FBXO15: variants seen among roughly 807,000 people sequenced by gnomAD.
FBXO15 encodes the protein F-box only protein 15.
Under a neutral mutation model 49.5 loss-of-function variants are expected in FBXO15, and 30 were observed. The ratio of observed to expected loss-of-function variants is 0.61; its 90% CI spans 0.45 to 0.82. The LOEUF (loss-of-function observed/expected upper bound fraction) is 0.82, where lower values mean the gene tolerates loss of function less well. Among genes scored for constraint, FBXO15 ranks in the 40% least tolerant of loss-of-function variants. The pLI is 0.00. For missense variants in FBXO15, 591 were observed against 631.5 expected (o/e 0.94, Z 0.69); for synonymous variants, 250 against 232.7 (o/e 1.07, Z -0.68).
chr18:74,107,536 G>C (rs932071136), intron 8 of FBXO15, among the ~76,000 whole-genome samples: 3 of 152,106 alleles, frequency 2.0e-5, no homozygotes, highest in Admixed American at 2.0e-4. Flanking sequence ...GAGACAGACA[G>C]GAGAATACAG....
At chr18:74,088,984 T>C (rs912546854) in intron 8 of FBXO15, among the ~76,000 whole-genome samples, 7 of 152,132 alleles carry the variant, frequency 4.6e-5, no homozygotes, top group African/African-American at 1.7e-4. Flanking sequence ...CTTTTTCTCT[T>C]AATTTAAGTT....
intron 8 of FBXO15, among the ~76,000 whole-genome samples, chr18:74,100,863 A>G (rs1913486718): frequency 6.6e-6 from 1 of 152,158 alleles, no homozygotes; most frequent in African/African-American, 2.4e-5. Flanking sequence ...ATCAGAAAGA[A>G]TTAGATACTC....
Position 74,147,692 on chromosome 18 carries a change from G to T in FBXO15, c.94C>A (p.Arg32Ser). 1 of 1,500,234 alleles carries T rather than the reference G, an allele frequency of 6.7e-7. No individual in the cohort carries two copies. The highest frequency in any genetic ancestry group is 1.2e-5 in the South Asian group (1 of 80,302). The allele number at this position is 1,500,234 out of a possible 1,614,324, so 92.9% of individuals were successfully genotyped here. Residue 32 changes from arginine (R) to serine (S), a missense_variant, in exon 1 of 10, where the codon CGC (arginine) becomes AGC (serine). Arg to Ser is a moderately radical substitution (Grantham distance 110). Transcript: ENST00000419743. Reference protein sequence around the residue: ...PSRGGGAARGRARAFGCRKGP... With the variant: ...PSRGGGAARGSARAFGCRKGP... ...CACCTGCACCCAAAGGCCCTGGCGC[G>T]CCCCCGGGCCGCGCCACCGCCCCTG...
In FBXO15 at chr18:74,147,484, C is replaced by T. The variant is rs1357170728; in HGVS notation, c.116+186G>A. 5 of 1,230,498 alleles carry T rather than the reference C, an allele frequency of 4.1e-6. No homozygotes were observed. The African/African-American group carries it at 6.2e-5, about 15-fold the overall frequency. The allele number at this position is 1,230,498 out of a possible 1,614,324, so 76.2% of individuals were successfully genotyped here. A position where few individuals can be genotyped will look rare whatever the true frequency, so the allele number is the denominator to read the frequency against. On this transcript the variant is annotated intron_variant, in intron 1 of 9. Transcript: ENST00000419743. ...AGAGGCTACTCTATTTGTGTCATAA[C>T]TTAGGGTACCCCACGTTGCAGGGTA...
intron 8 of FBXO15, among the ~76,000 whole-genome samples, chr18:74,106,965 A>G (rs913369895): frequency 1.3e-5 from 2 of 152,162 alleles, no homozygotes; most frequent in African/African-American, 4.8e-5. Context: ...AGGAAAAAGA[A>G]TGTAATATTG....
chr18:74,086,708 C>A (rs558775600), intron 8 of FBXO15, among the ~76,000 whole-genome samples: 38 of 152,304 alleles, frequency 2.5e-4, no homozygotes, highest in African/African-American at 8.7e-4. Flanking sequence ...CCATGCCCAG[C>A]CAGCACTGAA....
intron 3 of FBXO15, among the ~76,000 whole-genome samples, chr18:74,133,585 G>A (rs1304612626): frequency 6.6e-6 from 1 of 152,162 alleles, no homozygotes; most frequent in East Asian, 1.9e-4. Flanking sequence ...CATTGTCATA[G>A]TCTCTTTGTG....
intron 2 of FBXO15, among the ~76,000 whole-genome samples, chr18:74,139,845 G>T: frequency 6.6e-6 from 1 of 152,200 alleles, no homozygotes; most frequent in East Asian, 1.9e-4. Context: ...GATATTGAAA[G>T]CTGAGAAATG....
chr18:74,129,254 T>G, intron 5 of FBXO15, 151 bp downstream of exon 5: 4 of 660,520 alleles, frequency 6.1e-6, no homozygotes, highest in Non-Finnish European at 9.8e-6. Flanking sequence ...TAAAATGCAC[T>G]CTTTTCCTCT....
At chr18:74,076,904 C>T (rs1168811298) in intron 9 of FBXO15, among the ~76,000 whole-genome samples, 2 of 152,182 alleles carry the variant, frequency 1.3e-5, no homozygotes, top group East Asian at 3.9e-4. Flanking sequence ...CACCCAAGCT[C>T]CCCTGCTGAG....
intron 8 of FBXO15, among the ~76,000 whole-genome samples, chr18:74,092,362 T>C (rs1913075650): frequency 6.6e-6 from 1 of 152,194 alleles, no homozygotes; most frequent in African/African-American, 2.4e-5. Context: ...ATATTCTGAA[T>C]AATATTTCTG....
At chr18:74,092,275 C>A (rs1913069059) in intron 8 of FBXO15, among the ~76,000 whole-genome samples, 1 of 152,140 alleles carries the variant, frequency 6.6e-6, no homozygotes, top group African/African-American at 2.4e-5. Flanking sequence ...TCTTCTGTGT[C>A]ATTTTATTGT....
rs1179270964 is a variant in FBXO15 at position 74,125,981 on chromosome 18, C to T, written c.906G>A (p.Val302=). The stretch of plus-strand genomic sequence containing the variant: ...ACAGGGACTCAAGTCTTACCTTCCA[C>T]ACTCCCACCAGGAGGCCAGGGTGCA... The part of the protein sequence containing the change: ...FCLHPGLLVG[V]WKKEEELAFV... The change falls in exon 6 of 10, where the codon GTG becomes GTA. Residue 302 remains valine, a synonymous_variant. Transcript: ENST00000419743. The T allele has an allele frequency of 1.2e-6, 2 of 1,613,982 alleles. No individual in the cohort carries two copies. The highest frequency in any genetic ancestry group is 1.7e-5 in the Admixed American group (1 of 60,022).
intron 8 of FBXO15, chr18:74,098,356 G>A (rs1913369849): frequency 6.6e-6 from 1 of 151,898 alleles, no homozygotes; most frequent in Non-Finnish European, 1.5e-5. Flanking sequence ...CCAATTTAAG[G>A]AAACCAAAAA....
In FBXO15 at chr18:74,138,402, C is replaced by T. The variant is rs181126059; in HGVS notation, c.227+1800G>A. ...CCCCCCGCCTCCCCAGGCCGCAGGT[C>T]ACCGACTGCTCTTGTGTTGCAGGCT... On this transcript the variant is annotated intron_variant, in intron 2 of 9. Transcript: ENST00000419743. Among the ~76,000 whole-genome samples, 323 of 152,262 alleles carry T rather than the reference C, an allele frequency of 2.1e-3. 1 individual carries two copies. The highest frequency in any genetic ancestry group is 3.8e-3 in the Non-Finnish European group (259 of 68,024).
intron 9 of FBXO15, among the ~76,000 whole-genome samples, chr18:74,078,335 C>T (rs976333556): frequency 6.7e-6 from 1 of 148,990 alleles, no homozygotes; most frequent in Admixed American, 6.6e-5. Flanking sequence ...CAAGGCCCCC[C>T]CCCGACCTGC....
At position 74,073,407 on chromosome 18, in the gene FBXO15, C is replaced by A; in HGVS notation, c.*54G>T. ...TTATTTTAATTTTCAACACCAAGAACAAAGCCAGTCAAAAATAAACAACTA... is the reference window on the plus strand; with the variant it reads ...TTATTTTAATTTTCAACACCAAGAAAAAAGCCAGTCAAAAATAAACAACTA... On this transcript the variant is annotated 3_prime_UTR_variant, in exon 10 of 10. Transcript: ENST00000419743. 2 of 1,567,334 alleles carry A rather than the reference C, an allele frequency of 1.3e-6. No individual in the cohort carries two copies. Among genetic ancestry groups the A allele is most frequent in the Non-Finnish European group, 1.7e-6 (2 of 1,152,668 alleles).
intron 3 of FBXO15, among the ~76,000 whole-genome samples, chr18:74,135,397 T>TC (rs1364232926): frequency 6.6e-6 from 1 of 152,184 alleles, no homozygotes. Flanking sequence ...CTCATTCTGC[T>TC]CTGCGAATGC....
At chr18:74,089,289 G>C (rs1211184575) in intron 8 of FBXO15, among the ~76,000 whole-genome samples, 3 of 152,166 alleles carry the variant, frequency 2.0e-5, no homozygotes, top group Non-Finnish European at 4.4e-5. Context: ...CATTAATTTT[G>C]TATCCTGAAA....
Sources: gnomAD v4.1 joint callset for allele counts (sites outside exome capture counted in the v4.1 genomes callset) on GRCh38, gnomAD v4.1.1 for gene constraint, MANE v1.5 for transcripts, NCBI Gene and HGNC (gene_info 2026-07-23, HGNC 2026-07-21) for gene names.